SEMA4A: variants seen among roughly 807,000 people sequenced by gnomAD.
SEMA4A encodes the protein semaphorin 4A.
A neutral mutation model predicts 72.5 loss-of-function variants in SEMA4A; 52 were observed. The ratio of observed to expected loss-of-function variants is 0.72; its 90% CI spans 0.57 to 0.90. The LOEUF is 0.90. SEMA4A is among the 40% of genes least tolerant of loss of function. SEMA4A has a pLI of 0.00. For synonymous variants in SEMA4A, 369 were observed against 393.1 expected (o/e 0.94, Z 0.73); for missense variants, 926 against 959.7 (o/e 0.96, Z 0.46).
intron 8 of SEMA4A, 36 bp from the exon 9 acceptor site, chr1:156,161,310 G>GGGGGGGGGGGGGGGGGGGGCCCC: frequency 7.2e-7 from 1 of 1,381,208 alleles, no homozygotes; most frequent in East Asian, 2.8e-5. Flanking sequence ...GGGTCGGGGC[G>GGGGGGGGGGGGGGGGGGGGCCCC]CCCGGGGCGC....
At chr1:156,175,963 T>C (rs1483161960) in intron 14 of SEMA4A, among the ~76,000 whole-genome samples, 2 of 151,868 alleles carry the variant, frequency 1.3e-5, no homozygotes, top group Non-Finnish European at 1.5e-5. Context: ...AGTTTGGGAT[T>C]GAAATGGAAG....
chr1:156,177,312 AAC>A lies in SEMA4A; in HGVS notation c.*319_*320del, dbSNP rs759331108. On this transcript the variant is annotated 3_prime_UTR_variant, in exon 15 of 15. Transcript: ENST00000368285. ...CTGGCCATTCCAGGGACCCTCCAGA[AAC>A]ACAGTGTTTCAAGAGACCCTAAAAA... is the stretch of plus-strand genomic sequence containing the variant. The A allele has an allele frequency of 4.1e-5, 19 of 461,302 alleles. No homozygotes were observed. The highest frequency in any genetic ancestry group is 7.2e-5 in the Non-Finnish European group (18 of 249,338). 28.6% of individuals were successfully genotyped at this position (461,302 alleles called of 1,614,324 possible).
At position 156,157,101 on chromosome 1, in the gene SEMA4A, G is replaced by A. The variant is rs757965904; in HGVS notation, c.300+527G>A. On this transcript the variant is annotated intron_variant, in intron 3 of 14. Coordinates refer to ENST00000368285, the MANE Select transcript of SEMA4A (RefSeq NM_022367.4). The surrounding 1 kb of genome is among the most constrained non-coding windows in gnomAD (Gnocchi z 4.5). ...TATTAATTGCAAAAATGGCTGATAT[G>A]GAAATCATTGACATATGAGATAAAC... 3.9e-5 allele frequency among the ~76,000 whole-genome samples: 6 copies of A among 151,962 alleles called. No homozygotes were observed. Among genetic ancestry groups the A allele is most frequent in the Non-Finnish European group, 5.9e-5 (4 of 68,010 alleles).
At chr1:156,162,887 G>T in intron 9 of SEMA4A, 57 bp from the exon 10 acceptor site, 1 of 1,608,816 alleles carries the variant, frequency 6.2e-7, no homozygotes, top group South Asian at 1.1e-5. Flanking sequence ...CAGCGCTGGA[G>T]AGAGAGCTGC....
Position 156,171,924 on chromosome 1 carries a change from C to T in SEMA4A, c.1135-902C>T, listed in dbSNP as rs1244461531. Among the ~76,000 whole-genome samples, 5 of 150,688 alleles carry T rather than the reference C, an allele frequency of 3.3e-5. No individual in the cohort carries two copies. The South Asian group carries it at 8.3e-4, about 25-fold the overall frequency. ...TCGCCTTCCCGAGTAGCTGGGACTA[C>T]AGGTGCCTGCTACCACATCCAGCTG... On this transcript the variant is annotated intron_variant, in intron 10 of 14. Coordinates refer to ENST00000368285, the MANE Select transcript of SEMA4A (RefSeq NM_022367.4).
chr1:156,161,038 C>T lies in SEMA4A; in HGVS notation c.810+9C>T, dbSNP rs759288010. 33 of 1,605,866 alleles carry T rather than the reference C, an allele frequency of 2.1e-5. No individual in the cohort carries two copies. Among genetic ancestry groups the T allele is most frequent in the Non-Finnish European group, 2.8e-5 (33 of 1,177,618 alleles). ...TGGCTAGAGTCTGCAAGGTCCGCGG[C>T]CTGGGCGGGGGGCGGGGCTAACTGG... On this transcript the variant is annotated intron_variant, in intron 8 of 14. Transcript: ENST00000368285.
chr1:156,155,381 T>C (rs1652915816), intron 2 of SEMA4A: 1 of 153,012 alleles, frequency 6.5e-6, no homozygotes, highest in South Asian at 2.0e-4. Context: ...AAAAGAAATG[T>C]ATATTGCTCA....
chr1:156,175,015 G>C (rs997113525), intron 12 of SEMA4A, 71 bp from the exon 13 acceptor site: 7 of 1,614,126 alleles, frequency 4.3e-6, no homozygotes, highest in Non-Finnish European at 5.9e-6. Context: ...GGCTCCCTGG[G>C]CCTGCACCAG....
rs370978829 is a variant in SEMA4A, at chr1:156,177,515, G to A, written c.*518G>A. ...CTGCTTCCCTTACCAGTCGTGCACC[G>A]CTGACTCCCAGGAAGTCTTTCCTGA... is the stretch of plus-strand genomic sequence containing the variant. On this transcript the variant is annotated 3_prime_UTR_variant, in exon 15 of 15. Transcript: ENST00000368285. The A allele has an allele frequency of 2.0e-5, 4 of 197,986 alleles. No homozygotes were observed. The highest frequency in any genetic ancestry group is 1.2e-4 in the East Asian group (1 of 8,264). 12.3% of individuals were successfully genotyped at this position (197,986 alleles called of 1,614,324 possible). A position where few individuals can be genotyped will look rare whatever the true frequency, so the allele number is the denominator to read the frequency against.
chr1:156,154,604 AC>A lies in SEMA4A; in HGVS notation c.30del (p.Trp11GlyfsTer59), dbSNP rs1448346974. 2 of 1,610,766 alleles carry A rather than the reference AC, an allele frequency of 1.2e-6. No homozygotes were observed. Among genetic ancestry groups the A allele is most frequent in the Non-Finnish European group, 1.7e-6 (2 of 1,179,312 alleles). MALPALGLDPWSLLGLFLF... is the reference protein window; with the variant it reads MALPALGLXPWSLLGLFLF... ...ATGGCCCTCCCAGCCCTGGGCCTGG[AC>A]CCCTGGAGCCTCCTGGGCCTTTTCC... is the stretch of plus-strand genomic sequence containing the variant. On this transcript the variant is annotated frameshift_variant, in exon 2 of 15. Coordinates refer to ENST00000368285, the MANE Select transcript of SEMA4A (RefSeq NM_022367.4). LOFTEE classifies it high-confidence loss of function.
upstream of SEMA4A, chr1:156,153,538 C>T (rs1652719085): frequency 6.6e-6 from 1 of 152,310 alleles, no homozygotes; most frequent in African/African-American, 2.4e-5. Context: ...CAGGATCTGT[C>T]ACAACTCGAG....
chr1:156,171,298 G>A (rs776335352), intron 10 of SEMA4A, among the ~76,000 whole-genome samples: 4 of 152,210 alleles, frequency 2.6e-5, no homozygotes, highest in Non-Finnish European at 5.9e-5. Context: ...GGGTGTCCCA[G>A]AGCCACAGCA....
At chr1:156,147,595 CA>C (rs1338618269), upstream of SEMA4A, among the ~76,000 whole-genome samples, 1 of 151,988 alleles carries the variant, frequency 6.6e-6, no homozygotes, top group African/African-American at 2.4e-5. Context: ...GGGGCAGCCT[CA>C]GGGATCTTGA....
intron 10 of SEMA4A, among the ~76,000 whole-genome samples, chr1:156,164,569 G>A (rs139709110): frequency 3.9e-5 from 6 of 152,186 alleles, no homozygotes; most frequent in East Asian, 3.9e-4. Context: ...ACCCTCTCCC[G>A]CAAAAGCTGA....
chr1:156,158,661 T>C, intron 5 of SEMA4A, 58 bp from the exon 6 acceptor site: 1 of 1,453,762 alleles, frequency 6.9e-7, no homozygotes, highest in East Asian at 2.3e-5. Context: ...CTCAAGCCCC[T>C]CATTTCCCAG....
chr1:156,175,520 T>G, intron 13 of SEMA4A, 36 bp from the exon 14 acceptor site: 3 of 1,534,268 alleles, frequency 2.0e-6, no homozygotes, highest in Non-Finnish European at 2.7e-6. Flanking sequence ...TTTCAGCTCT[T>G]TTGAAGGATA....
At chr1:156,165,104 G>A (rs959805601) in intron 10 of SEMA4A, among the ~76,000 whole-genome samples, 2 of 152,046 alleles carry the variant, frequency 1.3e-5, no homozygotes, top group African/African-American at 4.8e-5. Flanking sequence ...CCTGGTCTAA[G>A]CTCTTATCTT....
chr1:156,176,493 C>T lies in SEMA4A; in HGVS notation c.1782C>T (p.Gly594=), dbSNP rs1450700008. The part of the protein sequence containing the change: ...SALASYYWSH[G]PAAVPEASST... ...TGGCCTCTTATTATTGGAGTCATGG[C>T]CCAGCAGCAGTCCCAGAAGCCTCTT... The change falls in exon 15 of 15, where the codon GGC becomes GGT. Residue 594 remains glycine, a synonymous_variant. Coordinates refer to ENST00000368285, the MANE Select transcript of SEMA4A (RefSeq NM_022367.4). 6.2e-7 allele frequency: 1 copy of T among 1,614,150 alleles called. No individual in the cohort carries two copies. The highest frequency in any genetic ancestry group is 2.2e-5 in the East Asian group (1 of 44,884).
rs1048785342 is a variant in SEMA4A at position 156,163,854 on chromosome 1, T to G, written c.1134+760T>G. ...GAGTTTGAGACCAGCCTGGGCAACA[T>G]TGTAAGACTCTGTCTCTACCAAAAA... On this transcript the variant is annotated intron_variant, in intron 10 of 14. Transcript: ENST00000368285. Among the ~76,000 whole-genome samples, 3 of 151,168 alleles carry G rather than the reference T, an allele frequency of 2.0e-5. No individual in the cohort carries two copies. The East Asian group carries it at 5.8e-4, about 29-fold the overall frequency.
Sources: gnomAD v4.1 joint callset for allele counts (sites outside exome capture counted in the v4.1 genomes callset) on GRCh38, gnomAD v4.1.1 for gene constraint, Gnocchi (gnomAD v3.1) non-coding constraint, MANE v1.5 for transcripts, NCBI Gene and HGNC (gene_info 2026-07-23, HGNC 2026-07-21) for gene names.